KIRREL3: variants seen among roughly 807,000 people sequenced by gnomAD.
KIRREL3 encodes kin of IRRE-like protein 3.
Under a neutral mutation model 89.7 loss-of-function variants are expected in KIRREL3, and 36 were observed. The observed-to-expected ratio is 0.40, with a 90% CI of 0.31 to 0.53. KIRREL3 has a LOEUF of 0.53. KIRREL3 is among the 20% of genes least tolerant of loss of function. The pLI is 0.49. For missense variants in KIRREL3, 864 were observed against 1,056.6 expected (o/e 0.82, Z 2.53); for synonymous variants, 445 against 441.4 (o/e 1.01, Z -0.10).
intron 9 of KIRREL3, among the ~76,000 whole-genome samples, 157 bp from the exon 10 acceptor site, chr11:126,445,262 C>G (rs758617493): frequency 7.2e-5 from 11 of 152,234 alleles, no homozygotes; most frequent in Non-Finnish European, 1.5e-4. Context: ...CAAAAGTTTC[C>G]TGGCCCAGAC....
chr11:126,869,958 T>A (rs1945052144), intron 1 of KIRREL3, among the ~76,000 whole-genome samples: 1 of 152,226 alleles, frequency 6.6e-6, no homozygotes, highest in African/African-American at 2.4e-5. Context: ...TCATTATTTA[T>A]CCTGTTGTAC....
chr11:126,584,468 C>A (rs531150848), intron 1 of KIRREL3, among the ~76,000 whole-genome samples: 85 of 152,170 alleles, frequency 5.6e-4, no homozygotes, highest in Non-Finnish European at 1.1e-3. Context: ...CCATACAAAG[C>A]CCCCAGTAGT....
rs1946798176 is a variant in KIRREL3 at position 126,689,461 on chromosome 11, G to C, written c.56-126549C>G. On this transcript the variant is annotated intron_variant, in intron 1 of 16. Coordinates refer to ENST00000525144, the MANE Select transcript of KIRREL3 (RefSeq NM_032531.4). The surrounding 1 kb of genome is among the most constrained non-coding windows in gnomAD (Gnocchi z 5.2). ...GAGATCACAGGGCTAGGCCACTTCTGCTCCTTGCAAGCTCCAAAGAGGAGG... is the reference window on the plus strand; with the variant it reads ...GAGATCACAGGGCTAGGCCACTTCTCCTCCTTGCAAGCTCCAAAGAGGAGG... Among the ~76,000 whole-genome samples, 1 of 152,174 alleles carries C rather than the reference G, an allele frequency of 6.6e-6. No individual in the cohort carries two copies. Among genetic ancestry groups the C allele is most frequent in the Non-Finnish European group, 1.5e-5 (1 of 68,026 alleles).
intron 2 of KIRREL3, among the ~76,000 whole-genome samples, chr11:126,552,128 G>T (rs11220537): frequency 1.3e-5 from 2 of 151,966 alleles, no homozygotes; most frequent in Admixed American, 1.3e-4. Context: ...CCCATTTTTC[G>T]TTTCTTTACT....
At position 126,575,338 on chromosome 11, in the gene KIRREL3, C is replaced by T. The variant is rs947119758; in HGVS notation, c.56-12426G>A. Among the ~76,000 whole-genome samples, 8 of 152,142 alleles carry T rather than the reference C, an allele frequency of 5.3e-5. No individual in the cohort carries two copies. The highest frequency in any genetic ancestry group is 1.9e-4 in the African/African-American group (8 of 41,428). Reference sequence around the variant, plus strand: ...CCTTCTCACAGTAGTGTGGGTGTCACAACCACCTCTTAGCTCTTGATCAGA... The same window carrying T: ...CCTTCTCACAGTAGTGTGGGTGTCATAACCACCTCTTAGCTCTTGATCAGA... On this transcript the variant is annotated intron_variant, in intron 1 of 16. Coordinates refer to ENST00000525144, the MANE Select transcript of KIRREL3 (RefSeq NM_032531.4). This position sits in a 1 kb window ranked among gnomAD's most constrained non-coding sequence, Gnocchi z 7.0.
At chr11:126,591,162 G>A (rs1942115289) in intron 1 of KIRREL3, among the ~76,000 whole-genome samples, 1 of 152,182 alleles carries the variant, frequency 6.6e-6, no homozygotes, top group Admixed American at 6.5e-5. Flanking sequence ...GGTGGAGGAG[G>A]TTGCAGTGAG....
Position 126,867,210 on chromosome 11 carries a change from A to G in KIRREL3, c.55+133245T>C, listed in dbSNP as rs996319551. The stretch of plus-strand genomic sequence containing the variant: ...CAGGGGTTTGAGCAGCGGGGCATCT[A>G]TGCAGCGAGCCACACTCCTATCACA... On this transcript the variant is annotated intron_variant, in intron 1 of 16. Transcript: ENST00000525144. The surrounding 1 kb of genome is among the most constrained non-coding windows in gnomAD (Gnocchi z 4.7). Among the ~76,000 whole-genome samples the G allele has an allele frequency of 1.2e-4, 18 of 152,210 alleles. No individual in the cohort carries two copies. The highest frequency in any genetic ancestry group is 2.0e-4 in the Admixed American group (3 of 15,288).
intron 1 of KIRREL3, among the ~76,000 whole-genome samples, chr11:126,730,344 C>G (rs142217000): frequency 4.5e-4 from 69 of 152,346 alleles, no homozygotes; most frequent in African/African-American, 1.6e-3. Context: ...TAATTGTCCA[C>G]CAGAAATCAG....
intron 1 of KIRREL3, among the ~76,000 whole-genome samples, chr11:126,749,099 C>A (rs1949250428): frequency 6.6e-6 from 1 of 152,158 alleles, no homozygotes. Flanking sequence ...TCCTCTGAGC[C>A]ATGAACTTTT....
chr11:126,716,210 G>T (rs781617087), intron 1 of KIRREL3, among the ~76,000 whole-genome samples: 1 of 152,044 alleles, frequency 6.6e-6, no homozygotes, highest in African/African-American at 2.4e-5. Context: ...GGGAGGCGGA[G>T]GAAGAAAGAG....
chr11:126,875,098 G>T (rs1452073270), intron 1 of KIRREL3, among the ~76,000 whole-genome samples: 1 of 152,148 alleles, frequency 6.6e-6, no homozygotes, highest in Non-Finnish European at 1.5e-5. Context: ...GATTTTAGAG[G>T]TGGCAAGTGT....
In KIRREL3 at chr11:126,601,109, A is replaced by G. The variant is rs1942636624; in HGVS notation, c.56-38197T>C. 6.6e-6 allele frequency among the ~76,000 whole-genome samples: 1 copy of G among 151,648 alleles called. No individual in the cohort carries two copies. The highest frequency in any genetic ancestry group is 2.1e-4 in the South Asian group (1 of 4,792). On this transcript the variant is annotated intron_variant, in intron 1 of 16. Coordinates refer to ENST00000525144, the MANE Select transcript of KIRREL3 (RefSeq NM_032531.4). This position sits in a 1 kb window ranked among gnomAD's most constrained non-coding sequence, Gnocchi z 5.8. Reference sequence around the variant, plus strand: ...AGCCCCCCGATGTTCCAGGAAGCCAAAGCACAGAGCAATCTTTCCAATCTA... The same window carrying G: ...AGCCCCCCGATGTTCCAGGAAGCCAGAGCACAGAGCAATCTTTCCAATCTA...
In KIRREL3 at chr11:126,983,957, A is replaced by G. The variant is rs1349191782; in HGVS notation, c.55+16498T>C. On this transcript the variant is annotated intron_variant, in intron 1 of 16. Coordinates refer to ENST00000525144, the MANE Select transcript of KIRREL3 (RefSeq NM_032531.4). The surrounding 1 kb of genome is among the most constrained non-coding windows in gnomAD (Gnocchi z 4.9). ...AGTAGTACATATCTAGTATCATTTTAGATGCATAGGAAATAATTTAATTCA... is the reference window on the plus strand; with the variant it reads ...AGTAGTACATATCTAGTATCATTTTGGATGCATAGGAAATAATTTAATTCA... Among the ~76,000 whole-genome samples, 1 of 152,192 alleles carries G rather than the reference A, an allele frequency of 6.6e-6. No individual in the cohort carries two copies. Among genetic ancestry groups the G allele is most frequent in the Admixed American group, 6.5e-5 (1 of 15,282 alleles).
At chr11:126,792,862 C>G (rs1669495324) in intron 1 of KIRREL3, among the ~76,000 whole-genome samples, 1 of 151,982 alleles carries the variant, frequency 6.6e-6, no homozygotes, top group African/African-American at 2.4e-5. Flanking sequence ...ATAAAGCTAC[C>G]AATAACAACA....
intron 1 of KIRREL3, among the ~76,000 whole-genome samples, chr11:126,920,760 C>T (rs1253121656): frequency 6.6e-6 from 1 of 152,174 alleles, no homozygotes; most frequent in Non-Finnish European, 1.5e-5. Context: ...ATCACTTCAA[C>T]CTTGTAGTTA....
intron 1 of KIRREL3, among the ~76,000 whole-genome samples, chr11:126,777,320 C>T (rs1044375170): frequency 1.3e-5 from 2 of 152,100 alleles, no homozygotes; most frequent in African/African-American, 4.8e-5. Context: ...CCAACATGTG[C>T]AAAGCACTGG....
Position 126,710,912 on chromosome 11 carries a change from C to T in KIRREL3, c.56-148000G>A, listed in dbSNP as rs552502025. On this transcript the variant is annotated intron_variant, in intron 1 of 16. Transcript: ENST00000525144. The surrounding 1 kb of genome is among the most constrained non-coding windows in gnomAD (Gnocchi z 4.2). ...ATTAATGTCTTGACAGTAGTCTCAACCTGATAGGCCTCTTCACAATGTGCA... is the reference window on the plus strand; with the variant it reads ...ATTAATGTCTTGACAGTAGTCTCAATCTGATAGGCCTCTTCACAATGTGCA... 1.1e-3 allele frequency among the ~76,000 whole-genome samples: 160 copies of T among 152,252 alleles called. 2 individuals carry two copies. The South Asian group carries it at 0.024, about 23-fold the overall frequency.
chr11:126,434,115 T>A (rs1955233636), intron 13 of KIRREL3, among the ~76,000 whole-genome samples: 1 of 152,248 alleles, frequency 6.6e-6, no homozygotes, highest in Non-Finnish European at 1.5e-5. Context: ...GTTTCCTCCT[T>A]GCCTGGCTTC....
At chr11:126,854,405 G>A (rs1355426444) in intron 1 of KIRREL3, among the ~76,000 whole-genome samples, 1 of 152,026 alleles carries the variant, frequency 6.6e-6, no homozygotes, top group Non-Finnish European at 1.5e-5. Context: ...TCCAGCCCCT[G>A]ACAACCACCT....
Sources: gnomAD v4.1 joint callset for allele counts (sites outside exome capture counted in the v4.1 genomes callset) on GRCh38, gnomAD v4.1.1 for gene constraint, Gnocchi (gnomAD v3.1) non-coding constraint, MANE v1.5 for transcripts, NCBI Gene and HGNC (gene_info 2026-07-23, HGNC 2026-07-21) for gene names.